ZNF69: variants seen among roughly 807,000 people sequenced by gnomAD.
The protein encoded by ZNF69 is zinc finger protein 69.
Under a neutral mutation model 50.9 loss-of-function variants are expected in ZNF69, and 47 were observed. That is an observed-to-expected ratio of 0.92 (90% CI 0.73 to 1.18). ZNF69 has a LOEUF of 1.18. ZNF69 is among the 50% of genes most tolerant of loss of function. The pLI, the probability that ZNF69 is intolerant of heterozygous loss-of-function variation, is 0.00. For synonymous variants in ZNF69, 216 were observed against 223.1 expected (o/e 0.97, Z 0.29); for missense variants, 717 against 675.1 (o/e 1.06, Z -0.69).
chr19:11,935,138 T>A, the ZNF69 span, among the ~76,000 whole-genome samples: 4 of 129,666 alleles, frequency 3.1e-5, no homozygotes, highest in South Asian at 9.9e-4. Context: ...ATGGCACCAC[T>A]GCACTCCAGC....
chr19:11,972,980 A>T, the ZNF69 span, among the ~76,000 whole-genome samples: 1 of 152,324 alleles, frequency 6.6e-6, no homozygotes, highest in African/African-American at 2.4e-5. Context: ...ATATCCCACA[A>T]TTGATGCAAG....
chr19:11,896,565 G>A (rs1022246137), intron 1 of ZNF69, among the ~76,000 whole-genome samples: 12 of 152,232 alleles, frequency 7.9e-5, no homozygotes, highest in African/African-American at 2.9e-4. Flanking sequence ...CAGAGGAGAG[G>A]AAGCCGGCTC....
the ZNF69 span, among the ~76,000 whole-genome samples, chr19:11,956,873 T>G: frequency 7.4e-3 from 1,128 of 152,144 alleles, 3 homozygotes; most frequent in Middle Eastern, 0.014. Flanking sequence ...AAAGCTCACC[T>G]GGTTCTTCCC....
chr19:11,928,731 C>CAA, the ZNF69 span, among the ~76,000 whole-genome samples: 8 of 53,388 alleles, frequency 1.5e-4, no homozygotes, highest in African/African-American at 2.0e-4. Context: ...GACTCCGTCT[C>CAA]AAAAAAAAAA....
At chr19:11,977,393 C>T in the ZNF69 span, 4 of 1,613,872 alleles carry the variant, frequency 2.5e-6, no homozygotes, top group African/African-American at 1.3e-5. Flanking sequence ...AAGACCAGAA[C>T]ATTGAATATG....
the ZNF69 span, among the ~76,000 whole-genome samples, chr19:11,947,957 C>T: frequency 6.6e-6 from 1 of 152,174 alleles, no homozygotes; most frequent in Non-Finnish European, 1.5e-5. Context: ...CTGCAGTAAG[C>T]TATGATGATA....
intron 1 of ZNF69, among the ~76,000 whole-genome samples, chr19:11,891,153 T>A (rs922552829): frequency 2.0e-5 from 3 of 152,042 alleles, no homozygotes; most frequent in Non-Finnish European, 4.4e-5. Context: ...TGGGCCAGCA[T>A]GATGGCTTAG....
At chr19:11,960,033 T>C in the ZNF69 span, among the ~76,000 whole-genome samples, 4 of 150,362 alleles carry the variant, frequency 2.7e-5, no homozygotes, top group African/African-American at 5.0e-5. Flanking sequence ...TAGTGTTTTT[T>C]TTTTCTTTTT....
the ZNF69 span, among the ~76,000 whole-genome samples, chr19:11,924,632 G>A: frequency 7.2e-5 from 11 of 152,098 alleles, no homozygotes; most frequent in African/African-American, 2.4e-4. Flanking sequence ...TTCACAAGGG[G>A]ATGGGGGTGT....
chr19:11,942,241 C>T, the ZNF69 span, among the ~76,000 whole-genome samples: 2 of 150,998 alleles, frequency 1.3e-5, no homozygotes, highest in Non-Finnish European at 2.9e-5. Context: ...CCCTGGACTT[C>T]CCCTCCTGCT....
At chr19:11,927,091 G>A in the ZNF69 span, among the ~76,000 whole-genome samples, 1 of 152,116 alleles carries the variant, frequency 6.6e-6, no homozygotes, top group East Asian at 1.9e-4. Context: ...GATGGCTTAG[G>A]CCTGTAATCC....
the ZNF69 span, among the ~76,000 whole-genome samples, chr19:11,941,249 C>A: frequency 2.0e-5 from 3 of 152,258 alleles, no homozygotes; most frequent in Non-Finnish European, 4.4e-5. Context: ...GGATCCTGCA[C>A]CAGGGCTGCA....
chr19:11,933,926 T>G, the ZNF69 span, among the ~76,000 whole-genome samples: 15 of 147,412 alleles, frequency 1.0e-4, 1 homozygote, highest in Admixed American at 4.7e-4. Flanking sequence ...TCCTCCCACC[T>G]CAGCTTCCCA....
At position 11,905,338 on chromosome 19, in the gene ZNF69, C is replaced by G; in HGVS notation, c.941C>G (p.Thr314Arg). ...TGTAAGGAATGTGGAAAAGCATTCA[C>G]GTGTCCCCAGTATGTTCGTATACAT... ...YQCKECGKAF[T>R]CPQYVRIHER... is the part of the protein sequence containing the mutation. The change falls in exon 4 of 4, where the codon ACG (threonine) becomes AGG (arginine). Residue 314 changes from threonine (T) to arginine (R), a missense_variant. Transcript: ENST00000429654. 6.2e-7 allele frequency: 1 copy of G among 1,613,984 alleles called. No homozygotes were observed. The highest frequency in any genetic ancestry group is 8.5e-7 in the Non-Finnish European group (1 of 1,179,994).
chr19:11,971,435 A>T, the ZNF69 span, among the ~76,000 whole-genome samples: 1 of 152,174 alleles, frequency 6.6e-6, no homozygotes, highest in Non-Finnish European at 1.5e-5. Flanking sequence ...TTTTAGAGTG[A>T]TGCAAATATT....
At chr19:11,927,908 G>A in the ZNF69 span, among the ~76,000 whole-genome samples, 1 of 152,126 alleles carries the variant, frequency 6.6e-6, no homozygotes, top group African/African-American at 2.4e-5. Flanking sequence ...GGCTCCCCTA[G>A]GCACCTGCTT....
the ZNF69 span, chr19:11,956,383 A>G: frequency 2.6e-6 from 1 of 389,440 alleles, no homozygotes. Flanking sequence ...AAAGGGTTAG[A>G]TACTTTCCCT....
the ZNF69 span, chr19:11,965,223 T>C: frequency 6.2e-7 from 1 of 1,613,936 alleles, no homozygotes; most frequent in Non-Finnish European, 8.5e-7. Context: ...TGCGTGTGCA[T>C]AGCCGGTTGT....
At chr19:11,934,821 C>T in the ZNF69 span, among the ~76,000 whole-genome samples, 3 of 147,772 alleles carry the variant, frequency 2.0e-5, no homozygotes, top group African/African-American at 5.3e-5. Context: ...CCACTGCGCC[C>T]GGCCTGTTTT....
Sources: allele counts gnomAD v4.1 joint callset (sites outside exome capture counted in the v4.1 genomes callset), GRCh38; gene constraint gnomAD v4.1.1; transcripts MANE v1.5; gene names NCBI Gene and HGNC (gene_info 2026-07-23, HGNC 2026-07-21).